The following ABR variants were observed in gnomAD, a reference collection of about 807,000 sequenced individuals.
The protein encoded by ABR is active breakpoint cluster region-related protein.
A neutral mutation model predicts 107.2 loss-of-function variants in ABR; 35 were observed. That is an observed-to-expected ratio of 0.33 (90% CI 0.25 to 0.43). ABR has a LOEUF of 0.43. ABR is among the 20% of genes least tolerant of loss of function. The pLI, the probability that ABR is intolerant of heterozygous loss-of-function variation, is 1.00. For missense variants in ABR, 815 were observed against 1,115.2 expected, an observed-to-expected ratio of 0.73 and a Z score of 3.83; for synonymous variants, 498 against 462.0, an observed-to-expected ratio of 1.08 and a Z score of -1.00.
At chr17:1,020,369 C>T (rs1008196685) in intron 16 of ABR, among the ~76,000 whole-genome samples, 1 of 152,192 alleles carries the variant, frequency 6.6e-6, no homozygotes, top group African/African-American at 2.4e-5. Flanking sequence ...AGGCGTGAGC[C>T]CCTGCATCCG....
chr17:1,019,079 C>T (rs888614413), intron 16 of ABR, among the ~76,000 whole-genome samples: 2 of 152,154 alleles, frequency 1.3e-5, no homozygotes, highest in Non-Finnish European at 2.9e-5. Flanking sequence ...GTGTGTGTCC[C>T]GACCCGGTGG....
At chr17:1,112,455 C>G (rs533634194) in intron 2 of ABR, among the ~76,000 whole-genome samples, 9 of 152,212 alleles carry the variant, frequency 5.9e-5, no homozygotes, top group Admixed American at 2.0e-4. Context: ...TTCAGCAACC[C>G]GGTTGCAGTG....
rs544196081 is a variant in ABR, at chr17:1,029,113, A to C, written c.1792-15949T>G. On this transcript the variant is annotated intron_variant, in intron 16 of 22. Transcript: ENST00000302538. ...AGTGTGATTTGAGGCAAAAAAAAAA[A>C]AAAACAAACAGGGAAAAGGAAAGAA... Among the ~76,000 whole-genome samples the C allele has an allele frequency of 3.5e-4, 53 of 152,142 alleles. No individual in the cohort carries two copies. The East Asian group carries it at 9.6e-3, about 28-fold the overall frequency.
At chr17:1,153,425 CACCTGCGGGAGGGCTGGGGGT>C (rs1555606536) in intron 1 of ABR, among the ~76,000 whole-genome samples, 2 of 148,028 alleles carry the variant, frequency 1.4e-5, no homozygotes, top group Non-Finnish European at 3.0e-5. Flanking sequence ...GGTCCAGGCA[CACCTGCGGGAGGGCTGGGGGT>C]CCAGGCACAC....
At chr17:1,028,760 C>T (rs143488574) in intron 16 of ABR, among the ~76,000 whole-genome samples, 204 of 152,318 alleles carry the variant, frequency 1.3e-3, no homozygotes, top group African/African-American at 4.7e-3. Context: ...TTACACCCTG[C>T]CGGCTCAGCC....
Position 1,111,834 on chromosome 17 carries a change from C to T in ABR, c.247-11099G>A, listed in dbSNP as rs148563476. On this transcript the variant is annotated intron_variant, in intron 2 of 22. Transcript: ENST00000302538. ...TGCCAGCTGCAGCCCTGGTGTCTTG[C>T]TGGGCTCTAGGTCTAGCACCTGCCC... 8.1e-3 allele frequency among the ~76,000 whole-genome samples: 1,232 copies of T among 152,362 alleles called. 5 individuals are homozygous for T. Among genetic ancestry groups the T allele is most frequent in the Non-Finnish European group, 0.012 (814 of 68,034 alleles).
chr17:1,182,004 A>C (rs963649862), upstream of ABR: 27 of 152,170 alleles, frequency 1.8e-4, no homozygotes, highest in African/African-American at 6.0e-4. Flanking sequence ...AGCATCCTCC[A>C]AGCTAAAATG....
chr17:1,100,017 T>C (rs1365501389), intron 3 of ABR, among the ~76,000 whole-genome samples: 18 of 150,982 alleles, frequency 1.2e-4, no homozygotes. Context: ...TTCCAGCCAC[T>C]CGGGAGGCTG....
chr17:1,111,993 T>TTA (rs2038700388), intron 2 of ABR, among the ~76,000 whole-genome samples: 1 of 152,362 alleles, frequency 6.6e-6, no homozygotes, highest in Admixed American at 6.5e-5. Context: ...GGCCGCCATC[T>TTA]TACGAGTCTT....
At chr17:1,141,303 C>T (rs541853998) in intron 1 of ABR, among the ~76,000 whole-genome samples, 1 of 152,226 alleles carries the variant, frequency 6.6e-6, no homozygotes, top group East Asian at 1.9e-4. Context: ...ATTGATGGAG[C>T]AGAGGTTGGG....
intron 12 of ABR, 64 bp from the exon 13 acceptor site, chr17:1,057,166 C>A: frequency 8.9e-7 from 1 of 1,121,300 alleles, no homozygotes; most frequent in South Asian, 1.3e-5. Context: ...GCTGCTCTTC[C>A]CTGGGGGCTG....
rs1361258184 is a variant in ABR at position 1,194,568 on chromosome 17, TAC to T, written c.838+34223_838+34224del. On this transcript the variant is annotated intron_variant, in intron 1 of 22. Transcript: ENST00000574139. The stretch of plus-strand genomic sequence containing the variant: ...GTGTAGTGGTGCAATCATAGCTCAC[TAC>T]AGTCTCGACCTCCCAGGCTCAAGCC... Among the ~76,000 whole-genome samples the T allele has an allele frequency of 2.3e-5, 3 of 129,216 alleles. 1 individual carries two copies. The highest frequency in any genetic ancestry group is 3.3e-5 in the Non-Finnish European group (2 of 60,106). The allele number at this position is 129,216 out of a possible 152,430, so 84.8% of individuals were successfully genotyped here. A position where few individuals can be genotyped will look rare whatever the true frequency, so the allele number is the denominator to read the frequency against.
rs565777652 is a variant in ABR at position 1,069,685 on chromosome 17, C to A, written c.1016+284G>T. Among the ~76,000 whole-genome samples the A allele has an allele frequency of 3.1e-3, 477 of 152,102 alleles. 2 individuals are homozygous for A. The highest frequency in any genetic ancestry group is 0.011 in the African/African-American group (446 of 41,504). On this transcript the variant is annotated intron_variant, in intron 9 of 22. Transcript: ENST00000302538. ...AGACCCTGTCTCAAAAGAAAAAAAA[C>A]CAACAAAGTTGCTGAAGGCTCCATG...
At position 1,178,446 on chromosome 17, in the gene ABR, C is replaced by T. The variant is rs190708117; in HGVS notation, c.61+1221G>A. 8.2e-3 allele frequency among the ~76,000 whole-genome samples: 1,244 copies of T among 152,122 alleles called. 16 individuals carry two copies. The highest frequency in any genetic ancestry group is 0.028 in the African/African-American group (1,147 of 41,480). On this transcript the variant is annotated intron_variant, in intron 1 of 22. Coordinates refer to ENST00000302538, the MANE Select transcript of ABR (RefSeq NM_021962.5). The stretch of plus-strand genomic sequence containing the variant: ...GAGAGTGGTGGTGGGTACCTGTAAT[C>T]CCAGCTACTCAGGAGGCTGAGGCGG...
chr17:1,193,959 G>A (rs1000680292), intron 1 of ABR, among the ~76,000 whole-genome samples: 1 of 152,088 alleles, frequency 6.6e-6, no homozygotes, highest in East Asian at 1.9e-4. Flanking sequence ...CTCTCAAAGT[G>A]CTGGGATAAC....
intron 3 of ABR, among the ~76,000 whole-genome samples, chr17:1,099,617 C>A (rs2037731742): frequency 6.6e-6 from 1 of 152,234 alleles, no homozygotes; most frequent in African/African-American, 2.4e-5. Flanking sequence ...TGACACGCCA[C>A]GATCACTCTG....
intron 16 of ABR, among the ~76,000 whole-genome samples, chr17:1,017,928 T>G (rs936065432): frequency 6.6e-6 from 1 of 151,378 alleles, no homozygotes; most frequent in Non-Finnish European, 1.5e-5. Flanking sequence ...AGAGACAGGG[T>G]CTCACTGTGC....
At chr17:1,044,706 T>G (rs2150996540) in intron 16 of ABR, among the ~76,000 whole-genome samples, 1 of 151,736 alleles carries the variant, frequency 6.6e-6, no homozygotes, top group South Asian at 2.1e-4. Flanking sequence ...CTCCTTTTAT[T>G]CATTCCTTCT....
intron 1 of ABR, among the ~76,000 whole-genome samples, chr17:1,207,250 C>CA (rs71148448): frequency 6.7e-5 from 10 of 150,160 alleles, no homozygotes; most frequent in African/African-American, 2.5e-4. Context: ...AGACGTGTCT[C>CA]AAAAAAAAAA....
Sources: gnomAD v4.1 joint callset for allele counts (sites outside exome capture counted in the v4.1 genomes callset) on GRCh38, gnomAD v4.1.1 for gene constraint, MANE v1.5 for transcripts, NCBI Gene and HGNC (gene_info 2026-07-23, HGNC 2026-07-21) for gene names.